RGS7: variants seen among roughly 807,000 people sequenced by gnomAD.
The protein encoded by RGS7 is regulator of G-protein signaling 7.
In RGS7, 27 loss-of-function variants were observed where a neutral mutation model predicts 81.1. That is an observed-to-expected ratio of 0.33 (90% CI 0.25 to 0.46). The LOEUF is 0.46. RGS7 is among the 20% of genes least tolerant of loss of function. The pLI, the probability that RGS7 is intolerant of heterozygous loss-of-function variation, is 1.00. For synonymous variants in RGS7, 208 were observed against 207.7 expected (o/e 1.00, Z -0.01); for missense variants, 396 against 607.4 (o/e 0.65, Z 3.66).
At chr1:241,001,015 C>G (rs932384868) in intron 3 of RGS7, among the ~76,000 whole-genome samples, 2 of 152,024 alleles carry the variant, frequency 1.3e-5, no homozygotes, top group Non-Finnish European at 2.9e-5. Context: ...CAGCTAGTGA[C>G]CACCTTACTG....
chr1:241,039,752 C>A (rs536370819), intron 3 of RGS7, among the ~76,000 whole-genome samples: 3 of 152,140 alleles, frequency 2.0e-5, no homozygotes, highest in African/African-American at 4.8e-5. Flanking sequence ...TAGCTTGATG[C>A]AAACAAGCCA....
chr1:241,324,609 T>C (rs2148622427), intron 2 of RGS7, among the ~76,000 whole-genome samples: 1 of 152,352 alleles, frequency 6.6e-6, no homozygotes, highest in East Asian at 1.9e-4. Flanking sequence ...CACCACTGTC[T>C]GCTGAATAAA....
intron 2 of RGS7, among the ~76,000 whole-genome samples, chr1:241,180,308 G>A (rs1376235524): frequency 6.6e-6 from 1 of 152,092 alleles, no homozygotes; most frequent in Non-Finnish European, 1.5e-5. Context: ...CCGGGAGGCG[G>A]AGATTGCAGT....
intron 2 of RGS7, among the ~76,000 whole-genome samples, chr1:241,308,554 G>T (rs896258638): frequency 6.6e-6 from 1 of 152,200 alleles, no homozygotes; most frequent in Admixed American, 6.5e-5. Flanking sequence ...ACTGTGCCCA[G>T]CTGTGTGAAT....
chr1:241,338,955 T>G (rs2082387044), intron 2 of RGS7, among the ~76,000 whole-genome samples: 1 of 152,124 alleles, frequency 6.6e-6, no homozygotes, highest in Non-Finnish European at 1.5e-5. Flanking sequence ...TAGGTGAACG[T>G]GTGTCATGGT....
chr1:240,793,615 T>A lies in RGS7; in HGVS notation c.*6+7026A>T, dbSNP rs201310765. Among the ~76,000 whole-genome samples, 271 of 98,370 alleles carry A rather than the reference T, an allele frequency of 2.8e-3. 3 individuals carry two copies. In the East Asian group the frequency reaches 0.039, roughly 14 times the overall value. The allele number at this position is 98,370 out of a possible 152,430, so 64.5% of individuals were successfully genotyped here. On this transcript the variant is annotated intron_variant, in intron 18 of 18. Transcript: ENST00000440928. Reference sequence around the variant, plus strand: ...TATATATATATATATATATATATTTTTTTTTTTTTTTTGAGACAGAGTCTT... The same window carrying A: ...TATATATATATATATATATATATTTATTTTTTTTTTTTGAGACAGAGTCTT...
chr1:241,190,024 A>G (rs1217764053), intron 2 of RGS7, among the ~76,000 whole-genome samples: 2 of 151,996 alleles, frequency 1.3e-5, no homozygotes, highest in Non-Finnish European at 2.9e-5. Flanking sequence ...AATGGCGTGA[A>G]CCTGGGAGGC....
chr1:241,187,456 GGA>G (rs897702646), intron 2 of RGS7, among the ~76,000 whole-genome samples: 2 of 151,926 alleles, frequency 1.3e-5, no homozygotes, highest in African/African-American at 2.4e-5. Flanking sequence ...GCCACTTTTG[GGA>G]GAAAAAATGA....
intron 4 of RGS7, among the ~76,000 whole-genome samples, chr1:240,971,054 C>T (rs1485323887): frequency 6.6e-6 from 1 of 152,126 alleles, no homozygotes; most frequent in Non-Finnish European, 1.5e-5. Context: ...CTGCTGTAGA[C>T]TGAATGTCTG....
At chr1:240,941,563 A>G (rs911063722) in intron 4 of RGS7, among the ~76,000 whole-genome samples, 4 of 152,176 alleles carry the variant, frequency 2.6e-5, no homozygotes, top group African/African-American at 9.6e-5. Flanking sequence ...ATAGAAAAAC[A>G]CCAGGCTAAT....
intron 2 of RGS7, among the ~76,000 whole-genome samples, chr1:241,155,861 T>C (rs372589259): frequency 2.0e-5 from 3 of 152,186 alleles, no homozygotes; most frequent in East Asian, 1.9e-4. Context: ...AAATGGATCA[T>C]AGGCTGAGAA....
chr1:241,227,209 T>C (rs1280823500), intron 2 of RGS7, among the ~76,000 whole-genome samples: 1 of 152,104 alleles, frequency 6.6e-6, no homozygotes, highest in Admixed American at 6.6e-5. Flanking sequence ...ATGAGAGTTG[T>C]AGGGGGCTGT....
intron 4 of RGS7, among the ~76,000 whole-genome samples, chr1:240,956,599 A>C (rs1680469839): frequency 6.6e-6 from 1 of 152,140 alleles, no homozygotes; most frequent in Non-Finnish European, 1.5e-5. Flanking sequence ...CAAAGGGAAA[A>C]ATATGAGTCA....
chr1:241,316,494 T>C (rs988635219), intron 2 of RGS7, among the ~76,000 whole-genome samples: 7 of 152,192 alleles, frequency 4.6e-5, no homozygotes, highest in African/African-American at 1.7e-4. Context: ...TACTTAATAC[T>C]TTGGAGATTC....
intron 6 of RGS7, among the ~76,000 whole-genome samples, chr1:240,906,801 CAA>C (rs778264450): frequency 1.3e-5 from 2 of 152,102 alleles, no homozygotes; most frequent in Non-Finnish European, 2.9e-5. Context: ...TCAAACCTAG[CAA>C]AAAAGCATAG....
At chr1:241,087,071 C>G (rs564475593) in intron 3 of RGS7, among the ~76,000 whole-genome samples, 1 of 152,274 alleles carries the variant, frequency 6.6e-6, no homozygotes, top group South Asian at 2.1e-4. Flanking sequence ...ACTGTGATCC[C>G]CTCGAGGACA....
At chr1:241,041,039 G>A (rs1015665537) in intron 3 of RGS7, among the ~76,000 whole-genome samples, 2 of 152,004 alleles carry the variant, frequency 1.3e-5, no homozygotes, top group Non-Finnish European at 2.9e-5. Flanking sequence ...ATTGTGCTAA[G>A]GTTCATGAAT....
At chr1:241,078,485 A>ATGTGTGTGTGTGTGTG (rs60742879) in intron 3 of RGS7, among the ~76,000 whole-genome samples, 19 of 143,608 alleles carry the variant, frequency 1.3e-4, no homozygotes, top group African/African-American at 4.9e-4. Flanking sequence ...CACGTAAGTT[A>ATGTGTGTGTGTGTGTG]TGTGTGTGTG....
rs890375846 is a variant in RGS7 at position 240,803,090 on chromosome 1, A to G, written c.1270-97T>C. 1.9e-5 allele frequency: 15 copies of G among 807,184 alleles called. No homozygotes were observed. The African/African-American group carries it at 2.2e-4, about 12-fold the overall frequency. 50.0% of individuals were successfully genotyped at this position (807,184 alleles called of 1,614,324 possible). ...ATGGCTAAAGAACAAATCTAGTAGC[A>G]GCGAAAAATAGTAATAACAATGCTG... is the stretch of plus-strand genomic sequence containing the variant. On this transcript the variant is annotated intron_variant, in intron 15 of 18. Transcript: ENST00000440928.
Sources: allele counts gnomAD v4.1 joint callset (sites outside exome capture counted in the v4.1 genomes callset), GRCh38; gene constraint gnomAD v4.1.1; transcripts MANE v1.5; gene names NCBI Gene and HGNC (gene_info 2026-07-23, HGNC 2026-07-21).